The following BRF1 variants were observed in gnomAD, a reference collection of about 807,000 sequenced individuals.
BRF1 encodes transcription factor IIIB 90 kDa subunit.
Under a neutral mutation model 81.7 loss-of-function variants are expected in BRF1, and 59 were observed. The ratio of observed to expected loss-of-function variants is 0.72; its 90% CI spans 0.59 to 0.90. The LOEUF (loss-of-function observed/expected upper bound fraction) is 0.90. Among genes scored for constraint, BRF1 ranks in the 40% least tolerant of loss-of-function variants. The pLI, the probability that BRF1 is intolerant of heterozygous loss-of-function variation, is 0.00. For synonymous variants in BRF1, 491 were observed against 395.6 expected, an observed-to-expected ratio of 1.24 and a Z score of -2.86; for missense variants, 1,050 against 936.3, an observed-to-expected ratio of 1.12 and a Z score of -1.58.
intron 5 of BRF1, chr14:105,250,083 T>C (rs1424472593): frequency 6.2e-7 from 1 of 1,612,884 alleles, no homozygotes; most frequent in East Asian, 2.2e-5. Flanking sequence ...ACCATGACCC[T>C]AGAGGAGTTT....
At chr14:105,212,270 C>G in intron 15 of BRF1, 106 bp from the exon 16 acceptor site, 1 of 1,440,280 alleles carries the variant, frequency 6.9e-7, no homozygotes, top group Non-Finnish European at 9.4e-7. Context: ...TTGACTGTTT[C>G]TCTGTCCCTT....
At chr14:105,221,031 C>T (rs1892198309) in intron 11 of BRF1, among the ~76,000 whole-genome samples, 1 of 152,368 alleles carries the variant, frequency 6.6e-6, no homozygotes, top group East Asian at 1.9e-4. Context: ...ACTTGATAAA[C>T]ATTCGCCTGG....
intron 5 of BRF1, 92 bp from the exon 6 acceptor site, chr14:105,241,506 C>A: frequency 1.3e-6 from 2 of 1,530,824 alleles, no homozygotes; most frequent in Non-Finnish European, 1.8e-6. Context: ...GCAACCTGCA[C>A]TTGTCTTTCC....
intron 2 of BRF1, among the ~76,000 whole-genome samples, chr14:105,285,351 G>A (rs2057277179): frequency 6.6e-6 from 1 of 152,224 alleles, no homozygotes; most frequent in African/African-American, 2.4e-5. Context: ...ATCCAGAAAT[G>A]AGCTTTTAGG....
intron 11 of BRF1, 106 bp downstream of exon 11, chr14:105,221,542 C>A (rs1449464554): frequency 2.7e-6 from 4 of 1,459,946 alleles, no homozygotes; most frequent in Admixed American, 2.7e-5. Context: ...GAGACCACCA[C>A]ACCTCCCGAC....
chr14:105,227,201 C>G (rs1893253632), intron 7 of BRF1: 1 of 185,134 alleles, frequency 5.4e-6, no homozygotes, highest in Non-Finnish European at 1.1e-5. Context: ...GTAGGATCAC[C>G]TGAGGTCAGG....
chr14:105,288,097 G>A (rs1418505066), intron 1 of BRF1, among the ~76,000 whole-genome samples: 1 of 152,224 alleles, frequency 6.6e-6, no homozygotes, highest in African/African-American at 2.4e-5. Flanking sequence ...TGTCACAACT[G>A]GGATCTATGT....
chr14:105,213,607 C>T (rs1411278516), intron 15 of BRF1, among the ~76,000 whole-genome samples: 3 of 152,092 alleles, frequency 2.0e-5, no homozygotes, highest in South Asian at 2.1e-4. Context: ...TAGGAGGGTG[C>T]GCTTCCTGCA....
rs1378074895 is a variant in BRF1 at position 105,272,640 on chromosome 14, A to C, written c.439+81T>G. 2.0e-6 allele frequency: 3 copies of C among 1,475,732 alleles called. No individual in the cohort carries two copies. The East Asian group carries it at 7.0e-5, about 35-fold the overall frequency. The allele number at this position is 1,475,732 out of a possible 1,614,324, so 91.4% of individuals were successfully genotyped here. On this transcript the variant is annotated intron_variant, in intron 3 of 17. Coordinates refer to ENST00000547530, the MANE Select transcript of BRF1 (RefSeq NM_001519.4). Reference sequence around the variant, plus strand: ...TAAAGACAAACACCAAGTTACTGCAACTACCAAGTCCCAATATTCGAGGGG... The same window carrying C: ...TAAAGACAAACACCAAGTTACTGCACCTACCAAGTCCCAATATTCGAGGGG...
At chr14:105,219,901 T>TTG in intron 12 of BRF1, 168 bp downstream of exon 12, 1 of 676,474 alleles carries the variant, frequency 1.5e-6, no homozygotes, top group East Asian at 2.9e-5. Context: ...GAAGAGAGTG[T>TTG]GGGGGGGGGT....
At chr14:105,267,472 TTTTTG>T (rs747821145) in intron 3 of BRF1, among the ~76,000 whole-genome samples, 2 of 151,930 alleles carry the variant, frequency 1.3e-5, no homozygotes, top group South Asian at 4.2e-4. Context: ...TGGATTTTTT[TTTTTG>T]TTTTCTTTTT....
At chr14:105,247,570 C>T in intron 5 of BRF1, 1 of 985,396 alleles carries the variant, frequency 1.0e-6, no homozygotes, top group Non-Finnish European at 1.2e-6. Flanking sequence ...GGAACATTCA[C>T]TACAACTGTA....
At chr14:105,299,855 G>A (rs1056856036) in intron 1 of BRF1, among the ~76,000 whole-genome samples, 1 of 152,228 alleles carries the variant, frequency 6.6e-6, no homozygotes, top group African/African-American at 2.4e-5. Flanking sequence ...ATACAGCTAA[G>A]TTCCCCAGAG....
intron 15 of BRF1, among the ~76,000 whole-genome samples, chr14:105,216,799 A>G (rs915873737): frequency 6.6e-6 from 1 of 152,200 alleles, no homozygotes; most frequent in Non-Finnish European, 1.5e-5. Context: ...ACCAGCAGAC[A>G]CACCCAGCCC....
chr14:105,296,707 C>A (rs940774657), intron 1 of BRF1, among the ~76,000 whole-genome samples: 3 of 148,294 alleles, frequency 2.0e-5, no homozygotes, highest in African/African-American at 4.9e-5. Flanking sequence ...AAAAAAAAAA[C>A]CTCTTAGAAC....
At chr14:105,254,459 G>A (rs755976052) in intron 4 of BRF1, among the ~76,000 whole-genome samples, 27 of 152,110 alleles carry the variant, frequency 1.8e-4, no homozygotes, top group Non-Finnish European at 2.4e-4. Flanking sequence ...GAGTTTCACC[G>A]CGTTAGACAG....
At chr14:105,308,899 A>G (rs1176892419) in intron 1 of BRF1, among the ~76,000 whole-genome samples, 1 of 151,952 alleles carries the variant, frequency 6.6e-6, no homozygotes, top group African/African-American at 2.4e-5. Context: ...GTTTGAGTCC[A>G]GGAGATCTGG....
chr14:105,254,334 G>A (rs2055762782), intron 4 of BRF1, among the ~76,000 whole-genome samples: 1 of 152,186 alleles, frequency 6.6e-6, no homozygotes. Context: ...TCTGCTCACT[G>A]CAAGCTCTGC....
intron 3 of BRF1, among the ~76,000 whole-genome samples, chr14:105,259,204 G>A (rs935020832): frequency 1.1e-4 from 17 of 152,170 alleles, no homozygotes; most frequent in African/African-American, 4.1e-4. Context: ...AGCACTTTAG[G>A]AGGCTGAGGC....
Sources: gnomAD v4.1 joint callset for allele counts (sites outside exome capture counted in the v4.1 genomes callset) on GRCh38, gnomAD v4.1.1 for gene constraint, MANE v1.5 for transcripts, NCBI Gene and HGNC (gene_info 2026-07-23, HGNC 2026-07-21) for gene names.